Variants in TFEB observed in about 807,000 individuals in gnomAD.
TFEB encodes T-cell transcription factor EB.
A neutral mutation model predicts 48.0 loss-of-function variants in TFEB; 12 were observed. The ratio of observed to expected loss-of-function variants is 0.25; its 90% CI spans 0.16 to 0.40. TFEB has a LOEUF of 0.40. TFEB is among the 10% of genes least tolerant of loss of function. The pLI is 1.00. For missense variants in TFEB, 509 were observed against 640.3 expected (o/e 0.79, Z 2.21); for synonymous variants, 244 against 261.4 (o/e 0.93, Z 0.64).
rs1771103814 is a variant in TFEB, at chr6:41,724,021, TC to T, written c.-23+11328del. On this transcript the variant is annotated intron_variant, in intron 1 of 8. Coordinates refer to ENST00000373033, the MANE Select transcript of TFEB (RefSeq NM_001271944.2). This position sits in a 1 kb window ranked among gnomAD's most constrained non-coding sequence, Gnocchi z 4.4. ...CACCTGCAGTCTTGGCCTTGGGCCT[TC>T]CCAGGGCCTCCAGACACCCAGGTCG... The T allele has an allele frequency of 2.2e-6, 1 of 452,430 alleles. No individual in the cohort carries two copies. Among genetic ancestry groups the T allele is most frequent in the Admixed American group, 2.4e-5 (1 of 41,520 alleles). The allele number at this position is 452,430 out of a possible 1,614,324, so 28.0% of individuals were successfully genotyped here.
Position 41,691,474 on chromosome 6 carries a change from C to A in TFEB, c.-22-239G>T, listed in dbSNP as rs1251520225. ...AAGGTTCTGTCTTCTTCACTCATTGCAGTTGGTAAATCCCAAACTCTAAGA... is the reference window on the plus strand; with the variant it reads ...AAGGTTCTGTCTTCTTCACTCATTGAAGTTGGTAAATCCCAAACTCTAAGA... On this transcript the variant is annotated intron_variant, in intron 1 of 8. Transcript: ENST00000373033. This position sits in a 1 kb window ranked among gnomAD's most constrained non-coding sequence, Gnocchi z 5.2. 1.4e-6 allele frequency: 1 copy of A among 696,620 alleles called. No individual in the cohort carries two copies. Among genetic ancestry groups the A allele is most frequent in the Non-Finnish European group, 2.7e-6 (1 of 373,932 alleles). The allele number at this position is 696,620 out of a possible 1,614,324, so 43.2% of individuals were successfully genotyped here. A position where few individuals can be genotyped will look rare whatever the true frequency, so the allele number is the denominator to read the frequency against.
chr6:41,735,025 CA>C, intron 1 of TFEB: 1 of 985,406 alleles, frequency 1.0e-6, no homozygotes, highest in Non-Finnish European at 1.2e-6. Context: ...CTTCGACTCC[CA>C]GCTCCGGGCC....
At position 41,735,484 on chromosome 6, in the gene TFEB, G is replaced by T. The variant is rs1301299434; in HGVS notation, c.-157C>A. ...GCTCCGGCCCCGTGCCACCAGGGAG[G>T]CCCGCCCCGTCCGCCCTTCCCGCCG... On this transcript the variant is annotated 5_prime_UTR_variant, in exon 1 of 9. Transcript: ENST00000373033. The T allele has an allele frequency of 2.0e-6, 2 of 984,492 alleles. No homozygotes were observed. Among genetic ancestry groups the T allele is most frequent in the African/African-American group, 1.8e-5 (1 of 57,102 alleles). The allele number at this position is 984,492 out of a possible 1,614,324, so 61.0% of individuals were successfully genotyped here. A position where few individuals can be genotyped will look rare whatever the true frequency, so the allele number is the denominator to read the frequency against.
At position 41,734,629 on chromosome 6, in the gene TFEB, C is replaced by G. The variant is rs1771594477; in HGVS notation, c.-23+721G>C. Among the ~76,000 whole-genome samples, 1 of 150,830 alleles carries G rather than the reference C, an allele frequency of 6.6e-6. No individual in the cohort carries two copies. The highest frequency in any genetic ancestry group is 2.4e-5 in the African/African-American group (1 of 40,862). ...TGGGAACCCGGGGGGAGGCAGACAA[C>G]GGGGCGCACGGAGGGAGCGCTCCGG... is the stretch of plus-strand genomic sequence containing the variant. On this transcript the variant is annotated intron_variant, in intron 1 of 8. Transcript: ENST00000373033. This position sits in a 1 kb window ranked among gnomAD's most constrained non-coding sequence, Gnocchi z 4.0.
rs764697930 is a variant in TFEB at position 41,723,533 on chromosome 6, G to A, written c.-23+11817C>T. The A allele has an allele frequency of 3.5e-5, 45 of 1,283,660 alleles. No homozygotes were observed. The highest frequency in any genetic ancestry group is 2.2e-4 in the Middle Eastern group (1 of 4,612). 79.5% of individuals were successfully genotyped at this position (1,283,660 alleles called of 1,614,324 possible). A position where few individuals can be genotyped will look rare whatever the true frequency, so the allele number is the denominator to read the frequency against. ...CCTCCAGGGGCCGGAGCCCAGGGCC[G>A]CACCCCAGCCCCAGGGCCGGGCTCA... On this transcript the variant is annotated intron_variant, in intron 1 of 8. Coordinates refer to ENST00000373033, the MANE Select transcript of TFEB (RefSeq NM_001271944.2). This position sits in a 1 kb window ranked among gnomAD's most constrained non-coding sequence, Gnocchi z 6.0.
chr6:41,707,585 A>G lies in TFEB; in HGVS notation c.-22-16350T>C, dbSNP rs182490333. Among the ~76,000 whole-genome samples, 472 of 151,776 alleles carry G rather than the reference A, an allele frequency of 3.1e-3. 4 individuals carry two copies. Among genetic ancestry groups the G allele is most frequent in the Admixed American group, 5.3e-3 (81 of 15,250 alleles). ...CCCCAGAAGGCCTTACCTACACGCC[A>G]CTTCCCTCTTTTAATTCTTCCCATT... On this transcript the variant is annotated intron_variant, in intron 1 of 8. Coordinates refer to ENST00000373033, the MANE Select transcript of TFEB (RefSeq NM_001271944.2).
At chr6:41,733,656 A>G in intron 1 of TFEB, 1 of 985,370 alleles carries the variant, frequency 1.0e-6, no homozygotes, top group Non-Finnish European at 1.2e-6. Flanking sequence ...GGCATGGTGA[A>G]AGCATACCGT....
intron 1 of TFEB, among the ~76,000 whole-genome samples, chr6:41,701,049 C>T (rs1769893633): frequency 6.6e-6 from 1 of 152,266 alleles, no homozygotes; most frequent in African/African-American, 2.4e-5. Context: ...GATTCCACCC[C>T]TGTGATATGC....
At chr6:41,687,291 CCAGGAAGTAAGAGG>C in intron 6 of TFEB, 122 bp from the exon 7 acceptor site, 1 of 862,172 alleles carries the variant, frequency 1.2e-6, no homozygotes, top group Non-Finnish European at 1.9e-6. Flanking sequence ...TTTAGTTCTT[CCAGGAAGTAAGAGG>C]TGACCAACAG....
intron 7 of TFEB, chr6:41,686,503 C>T: frequency 3.5e-6 from 1 of 286,616 alleles, no homozygotes; most frequent in Non-Finnish European, 6.3e-6. Flanking sequence ...GCCCAGCCTA[C>T]CTTTCTTTTT....
Position 41,723,963 on chromosome 6 carries a change from C to A in TFEB, c.-23+11387G>T. On this transcript the variant is annotated intron_variant, in intron 1 of 8. Coordinates refer to ENST00000373033, the MANE Select transcript of TFEB (RefSeq NM_001271944.2). This position sits in a 1 kb window ranked among gnomAD's most constrained non-coding sequence, Gnocchi z 6.0. Reference sequence around the variant, plus strand: ...AGACATGTGTCCTTCTAGCCAGAAGCCCCACAGCTCACCATCTTCCTGACT... The same window carrying A: ...AGACATGTGTCCTTCTAGCCAGAAGACCCACAGCTCACCATCTTCCTGACT... 2.0e-6 allele frequency: 1 copy of A among 507,666 alleles called. No individual in the cohort carries two copies. The allele number at this position is 507,666 out of a possible 1,614,324, so 31.4% of individuals were successfully genotyped here. A position where few individuals can be genotyped will look rare whatever the true frequency, so the allele number is the denominator to read the frequency against.
intron 8 of TFEB, among the ~76,000 whole-genome samples, chr6:41,685,562 T>C (rs1768955198): frequency 6.6e-6 from 1 of 152,174 alleles, no homozygotes; most frequent in Non-Finnish European, 1.5e-5. Context: ...GGCCCTCAAC[T>C]CAGAGCCAGG....
chr6:41,728,489 G>A (rs1771305979), intron 1 of TFEB, among the ~76,000 whole-genome samples: 1 of 152,200 alleles, frequency 6.6e-6, no homozygotes, highest in Non-Finnish European at 1.5e-5. Context: ...GGGACAAGAG[G>A]CGGCAGGGGG....
chr6:41,734,227 G>A lies in TFEB; in HGVS notation c.-23+1123C>T, dbSNP rs143151685. On this transcript the variant is annotated intron_variant, in intron 1 of 8. Transcript: ENST00000373033. The surrounding 1 kb of genome is among the most constrained non-coding windows in gnomAD (Gnocchi z 4.0). ...GTTCGGGGGAAGGCGCAGCGGCCAG[G>A]GGCTGGCGGAGAGCGGAGGGCGGGG... The A allele has an allele frequency of 1.0e-3, 477 of 462,464 alleles. 2 individuals carry two copies. Among genetic ancestry groups the A allele is most frequent in the Non-Finnish European group, 1.3e-3 (443 of 351,792 alleles). 28.6% of individuals were successfully genotyped at this position (462,464 alleles called of 1,614,324 possible).
At chr6:41,732,182 AAAG>A (rs1771479965) in intron 1 of TFEB, among the ~76,000 whole-genome samples, 1 of 152,128 alleles carries the variant, frequency 6.6e-6, no homozygotes, top group Non-Finnish European at 1.5e-5. Context: ...TGGATAGAGA[AAAG>A]AAGGTCCCCA....
At chr6:41,698,895 A>G (rs960423492) in intron 1 of TFEB, among the ~76,000 whole-genome samples, 1 of 152,264 alleles carries the variant, frequency 6.6e-6, no homozygotes, top group East Asian at 1.9e-4. Flanking sequence ...GAACAAGGAC[A>G]TCACATAATC....
At chr6:41,733,854 G>C (rs1022774059) in intron 1 of TFEB, 10 of 985,574 alleles carry the variant, frequency 1.0e-5, no homozygotes, top group Non-Finnish European at 1.1e-5. Flanking sequence ...ATCCGCATCT[G>C]TCCACCCAGA....
In TFEB at chr6:41,687,986, G is replaced by C. The variant is rs778939845; in HGVS notation, c.592C>G (p.Pro198Ala). 1.2e-5 allele frequency: 19 copies of C among 1,613,898 alleles called. No individual in the cohort carries two copies. The East Asian group carries it at 4.2e-4, about 36-fold the overall frequency. ...CCCACCAGGGAGGCTGTGACCTGGG[G>C]GTCGCTGCTGTACACATTCAGGTGG... ...SSHLNVYSSD[P>A]QVTASLVGVT... Residue 198 changes from proline to alanine, a missense_variant, in exon 5 of 9, where the codon CCC becomes GCC. Physicochemically the swap from Pro to Ala is conservative, Grantham distance 27. Coordinates refer to ENST00000373033, the MANE Select transcript of TFEB (RefSeq NM_001271944.2).
chr6:41,723,614 T>C lies in TFEB; in HGVS notation c.-23+11736A>G, dbSNP rs73733006. ...CTCACCCAGCCCCCTGCACCTCAGC[T>C]GGAGAGGAAGTTGCACAATCCCCTG... is the stretch of plus-strand genomic sequence containing the variant. On this transcript the variant is annotated intron_variant, in intron 1 of 8. Coordinates refer to ENST00000373033, the MANE Select transcript of TFEB (RefSeq NM_001271944.2). The surrounding 1 kb of genome is among the most constrained non-coding windows in gnomAD (Gnocchi z 6.0). 9.3e-3 allele frequency: 10,560 copies of C among 1,138,306 alleles called. 729 individuals carry two copies. In the African/African-American group the frequency reaches 0.15, roughly 16 times the overall value. The allele number at this position is 1,138,306 out of a possible 1,614,324, so 70.5% of individuals were successfully genotyped here.
Sources: gnomAD v4.1 joint callset for allele counts (sites outside exome capture counted in the v4.1 genomes callset) on GRCh38, gnomAD v4.1.1 for gene constraint, Gnocchi (gnomAD v3.1) non-coding constraint, MANE v1.5 for transcripts, NCBI Gene and HGNC (gene_info 2026-07-23, HGNC 2026-07-21) for gene names.